The following RPL6 variants were observed in gnomAD, a reference collection of about 807,000 sequenced individuals.
RPL6 encodes the protein large ribosomal subunit protein eL6.
RPL6 carries 1 observed loss-of-function variant against 32.1 expected under a neutral mutation model. The ratio of observed to expected loss-of-function variants is 0.03; its 90% confidence interval spans 0.01 to 0.15. The LOEUF (loss-of-function observed/expected upper bound fraction) is 0.15. Ranked by LOEUF, RPL6 falls within the 10% of genes least tolerant of loss-of-function variation. The pLI, the probability that RPL6 is intolerant of heterozygous loss-of-function variation, is 1.00. For synonymous variants in RPL6, 126 were observed against 131.6 expected (o/e 0.96, Z 0.29); for missense variants, 275 against 354.6 (o/e 0.78, Z 1.80).
chr12:112,406,985 T>G, intron 3 of RPL6, 95 bp from the exon 4 acceptor site: 1 of 1,247,560 alleles, frequency 8.0e-7, no homozygotes, highest in Non-Finnish European at 1.1e-6. Context: ...AGCCTTTTTA[T>G]TTTAAAGTAT....
chr12:112,414,918 CA>C (rs1047232089), upstream of RPL6, among the ~76,000 whole-genome samples: 4 of 150,204 alleles, frequency 2.7e-5, no homozygotes, highest in Admixed American at 1.3e-4. Flanking sequence ...AAAAACAAAA[CA>C]AAAAAAACCC....
upstream of RPL6, among the ~76,000 whole-genome samples, chr12:112,412,797 G>T (rs2037356588): frequency 6.6e-6 from 1 of 152,064 alleles, no homozygotes; most frequent in Non-Finnish European, 1.5e-5. Context: ...GGTGGTGCAT[G>T]CCTGTAATTC....
In RPL6 at chr12:112,408,455, T is replaced by C. The variant is rs1239989907; in HGVS notation, c.202A>G (p.Met68Val). 5 of 1,614,104 alleles carry C rather than the reference T, an allele frequency of 3.1e-6. No homozygotes were observed. In the Admixed American group the frequency reaches 5.0e-5, roughly 16 times the overall value. ...SRSAMYSRKA[M>V]YKRKYSAAKS... ...GCGGCTGAGTACTTCCTCTTGTACA[T>C]GGCCTTTCTGGAATACATGGCAGAT... Residue 68 changes from methionine (M) to valine (V), a missense_variant, in exon 2 of 7, where the codon ATG (methionine) becomes GTG (valine). By Grantham distance (21) the Met-to-Val change is conservative. Coordinates refer to ENST00000202773, the MANE Select transcript of RPL6 (RefSeq NM_000970.6).
At chr12:112,415,563 A>G (rs145784773) in intron 1 of RPL6, among the ~76,000 whole-genome samples, 9 of 151,992 alleles carry the variant, frequency 5.9e-5, no homozygotes, top group African/African-American at 2.2e-4. Context: ...AGATACAAAA[A>G]AAATTAGCTG....
At chr12:112,406,695 C>A in intron 4 of RPL6, 52 bp downstream of exon 4, 2 of 1,604,032 alleles carry the variant, frequency 1.2e-6, no homozygotes, top group South Asian at 2.2e-5. Flanking sequence ...CGCATTGCCA[C>A]CAGGCACCCC....
At chr12:112,417,812 C>G (rs1054726676) in intron 1 of RPL6, among the ~76,000 whole-genome samples, 10 of 151,476 alleles carry the variant, frequency 6.6e-5, no homozygotes, top group African/African-American at 2.4e-4. Context: ...CGCGCGCCAC[C>G]ACGCCCGGCT....
At chr12:112,408,087 T>C in intron 3 of RPL6, 153 bp downstream of exon 3, 1 of 622,616 alleles carries the variant, frequency 1.6e-6, no homozygotes, top group Non-Finnish European at 2.8e-6. Flanking sequence ...AGATTAACAG[T>C]AAATGTTGAA....
intron 6 of RPL6, chr12:112,405,623 C>T (rs1027548657): frequency 1.5e-5 from 9 of 606,140 alleles, no homozygotes; most frequent in African/African-American, 5.6e-5. Context: ...ATTCCCAATA[C>T]GATGGTAGCA....
upstream of RPL6, among the ~76,000 whole-genome samples, chr12:112,414,699 C>G (rs1333050215): frequency 2.0e-5 from 3 of 151,970 alleles, no homozygotes; most frequent in African/African-American, 7.3e-5. Context: ...GTCAGGAGAT[C>G]AAGACCATCC....
intron 1 of RPL6, among the ~76,000 whole-genome samples, chr12:112,415,689 C>A (rs934684504): frequency 2.6e-5 from 4 of 151,854 alleles, no homozygotes; most frequent in Non-Finnish European, 5.9e-5. Flanking sequence ...GCACTCCAGC[C>A]TGGGTAACAG....
Position 112,405,393 on chromosome 12 carries a change from T to C in RPL6, c.715-17A>G. Reference sequence around the variant, plus strand: ...CTCATATTTCTAAATAAAGAGAAAATCAAACATTTTAAAACAGGCACATAC... The same window carrying C: ...CTCATATTTCTAAATAAAGAGAAAACCAAACATTTTAAAACAGGCACATAC... On this transcript the variant is annotated splice_polypyrimidine_tract_variant and intron_variant, in intron 6 of 6. Transcript: ENST00000202773. The C allele has an allele frequency of 1.9e-6, 3 of 1,610,066 alleles. No homozygotes were observed. Among genetic ancestry groups the C allele is most frequent in the Non-Finnish European group, 2.5e-6 (3 of 1,179,120 alleles).
At chr12:112,413,744 G>A (rs565313964), upstream of RPL6, among the ~76,000 whole-genome samples, 14 of 151,838 alleles carry the variant, frequency 9.2e-5, no homozygotes, top group South Asian at 4.1e-4. Context: ...TGGGAAGACC[G>A]GCCGGACATG....
chr12:112,405,661 T>C lies in RPL6; in HGVS notation c.714+192A>G, dbSNP rs144335678. 161 of 630,330 alleles carry C rather than the reference T, an allele frequency of 2.6e-4. No homozygotes were observed. In the African/African-American group the frequency reaches 2.6e-3, roughly 10 times the overall value. The allele number at this position is 630,330 out of a possible 1,614,324, so 39.0% of individuals were successfully genotyped here. ...TAATTCCCACACAATTCCACCAAACTTTAGGATTCTAAGTTGAGCTCCCAG... is the reference window on the plus strand; with the variant it reads ...TAATTCCCACACAATTCCACCAAACCTTAGGATTCTAAGTTGAGCTCCCAG... On this transcript the variant is annotated intron_variant, in intron 6 of 6. Transcript: ENST00000202773.
rs773830858 is a variant in RPL6, at chr12:112,408,597, C to G, written c.60G>C (p.Lys20Asn). The G allele has an allele frequency of 3.3e-5, 52 of 1,595,446 alleles. No homozygotes were observed. In the South Asian group the frequency reaches 5.4e-4, roughly 16 times the overall value. The change falls in exon 2 of 7, where the codon AAG becomes AAC. Residue 20 changes from lysine (K) to asparagine (N), a missense_variant. Physicochemically the swap from Lys to Asn is moderately conservative, Grantham distance 94. Transcript: ENST00000202773. Reference protein sequence around the residue: ...DTKEKKPEAKKVDAGGKVKKG... With the variant: ...DTKEKKPEAKNVDAGGKVKKG... ...TTTTCACCTTGCCACCAGCATCAAC[C>G]TTCTTGGCTTCGGGTTTCTTCTCTT... is the stretch of plus-strand genomic sequence containing the variant.
At chr12:112,414,516 T>C (rs1231388536), upstream of RPL6, among the ~76,000 whole-genome samples, 1 of 152,176 alleles carries the variant, frequency 6.6e-6, no homozygotes, top group Non-Finnish European at 1.5e-5. Context: ...AAACCTATCC[T>C]ATGGTAGGAT....
At chr12:112,408,215 C>A (rs750028774) in intron 3 of RPL6, 25 bp downstream of exon 3, 1 of 1,565,444 alleles carries the variant, frequency 6.4e-7, no homozygotes, top group Non-Finnish European at 8.8e-7. Flanking sequence ...AACAGAAAAT[C>A]CAATTTACAG....
rs773346470 is a variant in RPL6, at chr12:112,406,786, C to T, written c.441G>A (p.Gly147=). ...GTCCAGTGAGGATGATCAGAATGGT[C>T]CCGGGGGTAATGCTGGCTCGCAGTT... The part of the protein sequence containing the change: ...VRKLRASITP[G]TILIILTGRH... Residue 147 remains glycine (G), a synonymous_variant, in exon 4 of 7, where the codon GGG becomes GGA. Transcript: ENST00000202773. 1 of 1,614,222 alleles carries T rather than the reference C, an allele frequency of 6.2e-7. No individual in the cohort carries two copies. The highest frequency in any genetic ancestry group is 8.5e-7 in the Non-Finnish European group (1 of 1,180,034).
chr12:112,412,923 CAAATAAATAAAT>C (rs55801942), upstream of RPL6, among the ~76,000 whole-genome samples: 604 of 146,434 alleles, frequency 4.1e-3, 3 homozygotes, highest in African/African-American at 0.013. Flanking sequence ...GACTCTGTCT[CAAATAAATAAAT>C]AAATAAATAA....
upstream of RPL6, among the ~76,000 whole-genome samples, chr12:112,412,749 C>T (rs2037355863): frequency 6.6e-6 from 1 of 151,990 alleles, no homozygotes; most frequent in African/African-American, 2.4e-5. Context: ...CATGGTGAAA[C>T]CCCATCTCTG....
Sources: allele counts gnomAD v4.1 joint callset (sites outside exome capture counted in the v4.1 genomes callset), GRCh38; gene constraint gnomAD v4.1.1; transcripts MANE v1.5; gene names NCBI Gene and HGNC (gene_info 2026-07-23, HGNC 2026-07-21).